The following NDUFAF6 variants were observed in gnomAD, a reference collection of about 807,000 sequenced individuals.
The protein encoded by NDUFAF6 is NADH dehydrogenase (ubiquinone) complex I, assembly factor 6.
In NDUFAF6, 45 loss-of-function variants were observed where a neutral mutation model predicts 40.8. The observed-to-expected ratio is 1.10, with a 90% CI of 0.87 to 1.42. NDUFAF6 has a LOEUF of 1.42. Among genes scored for constraint, NDUFAF6 ranks in the 40% most tolerant of loss-of-function variants. The pLI, the probability that NDUFAF6 is intolerant of heterozygous loss-of-function variation, is 0.00. For synonymous variants in NDUFAF6, 185 were observed against 155.9 expected (o/e 1.19, Z -1.39); for missense variants, 435 against 418.5 (o/e 1.04, Z -0.34).
In NDUFAF6 at chr8:95,045,073, C is replaced by T. The variant is rs949108811; in HGVS notation, c.478-472C>T. Among the ~76,000 whole-genome samples, 6 of 152,064 alleles carry T rather than the reference C, an allele frequency of 3.9e-5. No homozygotes were observed. The South Asian group carries it at 1.0e-3, about 26-fold the overall frequency. ...GAGTCAAATATGTGGGTTCCCGTCC[C>T]CACCATTTATTTATTAACTGTGTGT... On this transcript the variant is annotated intron_variant, in intron 4 of 8. Transcript: ENST00000396124.
intron 1 of NDUFAF6, chr8:94,932,149 T>C (rs1167148304): frequency 1.9e-6 from 3 of 1,583,774 alleles, no homozygotes; most frequent in Non-Finnish European, 2.6e-6. Context: ...ACTAGTAAGA[T>C]TTAAAATGCT....
In NDUFAF6 at chr8:95,025,112, G is replaced by A. The variant is rs766018030; in HGVS notation, c.104G>A (p.Arg35Gln). The A allele has an allele frequency of 2.0e-6, 3 of 1,478,960 alleles. No homozygotes were observed. The highest frequency in any genetic ancestry group is 1.5e-5 in the African/African-American group (1 of 68,358). The allele number at this position is 1,478,960 out of a possible 1,614,324, so 91.6% of individuals were successfully genotyped here. A position where few individuals can be genotyped will look rare whatever the true frequency, so the allele number is the denominator to read the frequency against. ...PPLGLYARMR[R>Q]LPGPEVSGRS... The stretch of plus-strand genomic sequence containing the variant: ...CTGGGTCTGTACGCGCGCATGCGGC[G>A]GCTGCCCGGGCCGGAGGTGTCTGGG... Residue 35 changes from arginine (R) to glutamine (Q), a missense_variant, in exon 1 of 9, where the codon CGG (arginine) becomes CAG (glutamine). Transcript: ENST00000396124.
At chr8:95,045,140 T>TCCCATTTTC (rs1830587469) in intron 4 of NDUFAF6, among the ~76,000 whole-genome samples, 2 of 152,186 alleles carry the variant, frequency 1.3e-5, no homozygotes, top group African/African-American at 4.8e-5. Context: ...TTTCTTCATT[T>TCCCATTTTC]GTAAAATGGG....
upstream of NDUFAF6, among the ~76,000 whole-genome samples, chr8:95,100,219 G>A (rs1260249518): frequency 6.6e-6 from 1 of 151,052 alleles, no homozygotes; most frequent in Admixed American, 6.6e-5. Flanking sequence ...GTAAGAATTA[G>A]GTTTTAAAAG....
At chr8:95,091,598 C>T in intron 2 of NDUFAF6, among the ~76,000 whole-genome samples, 1 of 151,808 alleles carries the variant, frequency 6.6e-6, no homozygotes, top group Non-Finnish European at 1.5e-5. Flanking sequence ...AAAAGCTCTT[C>T]CCTGCATTTA....
At chr8:95,040,139 T>C (rs1829993147) in intron 3 of NDUFAF6, among the ~76,000 whole-genome samples, 2 of 152,218 alleles carry the variant, frequency 1.3e-5, no homozygotes, top group Non-Finnish European at 2.9e-5. Flanking sequence ...TTTTTAGCCC[T>C]TTATGACATG....
At chr8:94,990,855 C>T (rs1008694357) in intron 2 of NDUFAF6, among the ~76,000 whole-genome samples, 1 of 152,236 alleles carries the variant, frequency 6.6e-6, no homozygotes, top group Non-Finnish European at 1.5e-5. Flanking sequence ...GCCAAAGCTT[C>T]CTCGCAGATA....
At chr8:95,058,765 A>G (rs949439950), downstream of NDUFAF6, 29 of 987,808 alleles carry the variant, frequency 2.9e-5, no homozygotes, top group African/African-American at 2.1e-4. Context: ...ACTGTGCTGT[A>G]TACTTGCATC....
intron 2 of NDUFAF6, among the ~76,000 whole-genome samples, chr8:95,012,447 C>CT (rs1827263175): frequency 6.6e-6 from 1 of 152,160 alleles, no homozygotes; most frequent in African/African-American, 2.4e-5. Flanking sequence ...CTACACACAG[C>CT]TAATACATCT....
intron 7 of NDUFAF6, 50 bp downstream of exon 7, chr8:95,048,608 A>G: frequency 7.9e-7 from 1 of 1,268,096 alleles, no homozygotes; most frequent in Non-Finnish European, 1.2e-6. Context: ...TCATTTCTAG[A>G]TGTGGCTCTT....
chr8:95,061,644 T>G (rs886742496), downstream of NDUFAF6, among the ~76,000 whole-genome samples: 1 of 152,192 alleles, frequency 6.6e-6, no homozygotes, highest in Non-Finnish European at 1.5e-5. Context: ...AAGATGCTTG[T>G]AGAATGCGAA....
Position 94,933,285 on chromosome 8 carries a change from A to G in NDUFAF6, c.-935-12198A>G, listed in dbSNP as rs575763006. Among the ~76,000 whole-genome samples the G allele has an allele frequency of 5.2e-4, 79 of 152,348 alleles. 1 individual carries two copies. Among genetic ancestry groups the G allele is most frequent in the Admixed American group, 9.8e-4 (15 of 15,306 alleles). On this transcript the variant is annotated intron_variant, in intron 1 of 14. Coordinates refer to the NDUFAF6 transcript ENST00000396113. ...TGGAAAAGTATGTATTTGTTTTACT[A>G]TCCCTATATAACTATCATATATGAA...
chr8:95,105,092 G>C (rs1255973600), downstream of NDUFAF6, among the ~76,000 whole-genome samples: 8 of 150,272 alleles, frequency 5.3e-5, no homozygotes, highest in African/African-American at 1.9e-4. Flanking sequence ...GAGAGAGAGA[G>C]AGAGAGAGAG....
chr8:95,001,149 T>C (rs1408031558), intron 2 of NDUFAF6, among the ~76,000 whole-genome samples: 1 of 151,916 alleles, frequency 6.6e-6, no homozygotes, highest in Admixed American at 6.6e-5. Context: ...AGGGTTGAGG[T>C]CTCGCTATGT....
chr8:94,993,624 C>T (rs1826287890), intron 2 of NDUFAF6, among the ~76,000 whole-genome samples: 1 of 152,172 alleles, frequency 6.6e-6, no homozygotes, highest in Admixed American at 6.5e-5. Context: ...TGCATCACAG[C>T]CATCAATCAG....
chr8:95,109,258 A>G (rs1809926480), intron 4 of NDUFAF6, among the ~76,000 whole-genome samples: 1 of 152,242 alleles, frequency 6.6e-6, no homozygotes. Context: ...GTCCAACATA[A>G]TGTACAGGCA....
intron 2 of NDUFAF6, among the ~76,000 whole-genome samples, chr8:94,990,698 TA>T (rs1453539915): frequency 2.6e-5 from 4 of 152,102 alleles, no homozygotes; most frequent in Non-Finnish European, 5.9e-5. Flanking sequence ...ATTTAGAAAA[TA>T]AAGCTGGCTT....
At chr8:95,049,007 T>C (rs1831129161) in intron 7 of NDUFAF6, among the ~76,000 whole-genome samples, 1 of 152,172 alleles carries the variant, frequency 6.6e-6, no homozygotes, top group Non-Finnish European at 1.5e-5. Flanking sequence ...CTGTGGATCC[T>C]TCTGTTGGTA....
chr8:94,919,312 G>C (rs1485614172), intron 1 of NDUFAF6, among the ~76,000 whole-genome samples: 1 of 152,134 alleles, frequency 6.6e-6, no homozygotes, highest in African/African-American at 2.4e-5. Flanking sequence ...CTCCCGAGTA[G>C]CTGGGAGTAC....
Sources: allele counts gnomAD v4.1 joint callset (sites outside exome capture counted in the v4.1 genomes callset), GRCh38; gene constraint gnomAD v4.1.1; transcripts MANE v1.5; gene names NCBI Gene and HGNC (gene_info 2026-07-23, HGNC 2026-07-21).